HS2ST1: variants seen among roughly 807,000 people sequenced by gnomAD.
HS2ST1 encodes the protein 2-O-sulfotransferase.
A neutral mutation model predicts 42.9 loss-of-function variants in HS2ST1; 18 were observed. That is an observed-to-expected ratio of 0.42 (90% CI 0.29 to 0.62). HS2ST1 has a LOEUF of 0.62. Among genes scored for constraint, HS2ST1 ranks in the 20% least tolerant of loss-of-function variants. The probability of loss-of-function intolerance (pLI) is 0.21; values close to 1 mark genes in which losing one functional copy is unlikely to be tolerated. For synonymous variants in HS2ST1, 146 were observed against 152.9 expected (o/e 0.95, Z 0.33); for missense variants, 334 against 433.8 (o/e 0.77, Z 2.04).
intron 5 of HS2ST1, 140 bp from the exon 6 acceptor site, chr1:87,103,291 CA>C: frequency 1.5e-6 from 1 of 656,016 alleles, no homozygotes. Flanking sequence ...GTGTGCCTCC[CA>C]CAGGATGGTA....
rs114116485 is a variant in HS2ST1 at position 86,988,613 on chromosome 1, A to G, written c.124+73453A>G. On this transcript the variant is annotated intron_variant, in intron 1 of 6. Transcript: ENST00000370550. ...CAGACCTTGGGAATCCTCCTCCTCA[A>G]TACATTTAATTAATGAAATGTTACA... Among the ~76,000 whole-genome samples, 1,024 of 152,352 alleles carry G rather than the reference A, an allele frequency of 6.7e-3. 5 individuals are homozygous for G. The highest frequency in any genetic ancestry group is 0.01 in the Non-Finnish European group (710 of 68,030).
chr1:86,924,449 C>T (rs1254770536), intron 1 of HS2ST1, among the ~76,000 whole-genome samples: 1 of 152,216 alleles, frequency 6.6e-6, no homozygotes, highest in Non-Finnish European at 1.5e-5. Flanking sequence ...GCTGCAACCC[C>T]ACATTTCCCT....
At chr1:87,001,115 G>A (rs1428039590) in intron 1 of HS2ST1, among the ~76,000 whole-genome samples, 3 of 152,110 alleles carry the variant, frequency 2.0e-5, no homozygotes, top group Admixed American at 2.0e-4. Context: ...TGAAAAATGA[G>A]AGCAAAAATA....
intron 1 of HS2ST1, among the ~76,000 whole-genome samples, chr1:87,008,766 TTTAAAATA>T (rs1296503475): frequency 6.6e-6 from 1 of 152,220 alleles, no homozygotes; most frequent in East Asian, 1.9e-4. Context: ...TAAGCAGTAT[TTTAAAATA>T]TTAAAATCTA....
At chr1:87,074,337 A>C (rs1008371324) in intron 2 of HS2ST1, among the ~76,000 whole-genome samples, 13 of 152,228 alleles carry the variant, frequency 8.5e-5, no homozygotes, top group Non-Finnish European at 1.9e-4. Context: ...AAGTATCCTA[A>C]ATATTCTGTT....
intron 2 of HS2ST1, 78 bp from the exon 3 acceptor site, chr1:87,084,116 C>A: frequency 1.1e-6 from 1 of 918,130 alleles, no homozygotes. Flanking sequence ...TTTTAAATTC[C>A]TATCTTGGAA....
rs547426422 is a variant in HS2ST1 at position 86,926,150 on chromosome 1, C to T, written c.124+10990C>T. Among the ~76,000 whole-genome samples, 5 of 152,298 alleles carry T rather than the reference C, an allele frequency of 3.3e-5. No individual in the cohort carries two copies. In the South Asian group the frequency reaches 1.0e-3, roughly 32 times the overall value. On this transcript the variant is annotated intron_variant, in intron 1 of 6. Coordinates refer to ENST00000370550, the MANE Select transcript of HS2ST1 (RefSeq NM_012262.4). ...CCCTTGTAGTGCCCTTCAGAGTATTCCACCCAGTGCCCTGTGTATTACAAG... is the reference window on the plus strand; with the variant it reads ...CCCTTGTAGTGCCCTTCAGAGTATTTCACCCAGTGCCCTGTGTATTACAAG...
At chr1:86,958,703 T>C (rs1647741751) in intron 1 of HS2ST1, among the ~76,000 whole-genome samples, 1 of 152,094 alleles carries the variant, frequency 6.6e-6, no homozygotes, top group Admixed American at 6.5e-5. Flanking sequence ...TTCCAGAAAA[T>C]AGAAACAGGG....
At chr1:87,038,611 G>A (rs1570503392) in intron 1 of HS2ST1, among the ~76,000 whole-genome samples, 3 of 152,136 alleles carry the variant, frequency 2.0e-5, no homozygotes, top group Admixed American at 6.5e-5. Flanking sequence ...AAGGAACAAG[G>A]AAGGTATTTA....
rs56401098 is a variant in HS2ST1, at chr1:87,018,132, C to CCACACACACACACACACACA, written c.125-54789_125-54770dup. Among the ~76,000 whole-genome samples the CCACACACACACACACACACA allele has an allele frequency of 3.8e-3, 563 of 149,340 alleles. 4 individuals carry two copies. The highest frequency in any genetic ancestry group is 1.0e-2 in the African/African-American group (404 of 40,458). ...TTTACCCTTCAAAGATAAATAAAAG[C>CCACACACACACACACACACA]CACACACACACACACACACACACAC... On this transcript the variant is annotated intron_variant, in intron 1 of 6. Coordinates refer to ENST00000370550, the MANE Select transcript of HS2ST1 (RefSeq NM_012262.4).
chr1:87,006,440 G>T (rs1346024061), intron 1 of HS2ST1, among the ~76,000 whole-genome samples: 3 of 152,218 alleles, frequency 2.0e-5, no homozygotes, highest in Middle Eastern at 3.4e-3. Context: ...TAGTCAACAG[G>T]ACTTGGTTTG....
In HS2ST1 at chr1:87,046,115, A is replaced by G. The variant is rs1308889116; in HGVS notation, c.125-26819A>G. 7.3e-6 allele frequency: 5 copies of G among 684,250 alleles called. No homozygotes were observed. In the African/African-American group the frequency reaches 8.8e-5, roughly 12 times the overall value. 42.4% of individuals were successfully genotyped at this position (684,250 alleles called of 1,614,324 possible). On this transcript the variant is annotated intron_variant, in intron 1 of 6. Coordinates refer to ENST00000370550, the MANE Select transcript of HS2ST1 (RefSeq NM_012262.4). ...ATGTGGCATATTTTTGACAGTTTAT[A>G]TTGGTTATGAATGCTTTAGATAACA...
At chr1:86,970,505 A>T (rs1422467983) in intron 1 of HS2ST1, among the ~76,000 whole-genome samples, 2 of 152,034 alleles carry the variant, frequency 1.3e-5, no homozygotes, top group Non-Finnish European at 2.9e-5. Context: ...GGTTCAAGTG[A>T]TTGTTGTGCC....
intron 1 of HS2ST1, among the ~76,000 whole-genome samples, chr1:86,952,274 G>A (rs1244748700): frequency 1.3e-5 from 2 of 152,194 alleles, no homozygotes. Context: ...ATCTCGCTGT[G>A]TTGCCCAGGC....
At chr1:86,978,861 C>CTTTTTTTTTTTTT in intron 1 of HS2ST1, among the ~76,000 whole-genome samples, 1 of 98,672 alleles carries the variant, frequency 1.0e-5, no homozygotes, top group Non-Finnish European at 1.9e-5. Context: ...ACTTGTGAAT[C>CTTTTTTTTTTTTT]TTTTTTTTTT....
At chr1:86,966,700 T>C (rs1293956416) in intron 1 of HS2ST1, among the ~76,000 whole-genome samples, 1 of 152,230 alleles carries the variant, frequency 6.6e-6, no homozygotes, top group African/African-American at 2.4e-5. Flanking sequence ...CATTGAAACC[T>C]CTTGAGTAGC....
chr1:87,019,526 A>G (rs139587198), intron 1 of HS2ST1, among the ~76,000 whole-genome samples: 1 of 152,356 alleles, frequency 6.6e-6, no homozygotes, highest in Non-Finnish European at 1.5e-5. Context: ...AGTACATTAA[A>G]TTGAATGCAT....
chr1:86,976,817 T>C (rs1648424089), intron 1 of HS2ST1, among the ~76,000 whole-genome samples: 1 of 149,218 alleles, frequency 6.7e-6, no homozygotes, highest in African/African-American at 2.4e-5. Flanking sequence ...ATACTTGTAA[T>C]ACCAGCACTA....
chr1:87,088,224 C>A (rs1208106254), intron 3 of HS2ST1, among the ~76,000 whole-genome samples: 1 of 152,012 alleles, frequency 6.6e-6, no homozygotes, highest in African/African-American at 2.4e-5. Flanking sequence ...CCATTATTCT[C>A]TTTTGGAAGG....
Sources: allele counts gnomAD v4.1 joint callset (sites outside exome capture counted in the v4.1 genomes callset), GRCh38; gene constraint gnomAD v4.1.1; transcripts MANE v1.5; gene names NCBI Gene and HGNC (gene_info 2026-07-23, HGNC 2026-07-21).